Variants in XPR1 observed in about 807,000 individuals in gnomAD.
The protein encoded by XPR1 is solute carrier family 53 member 1.
A neutral mutation model predicts 87.5 loss-of-function variants in XPR1; 28 were observed. The observed-to-expected ratio is 0.32, with a 90% CI of 0.24 to 0.44. The LOEUF is 0.44. Ranked by LOEUF, XPR1 falls within the 20% of genes least tolerant of loss-of-function variation. The probability of loss-of-function intolerance (pLI) is 1.00; values close to 1 mark genes in which losing one functional copy is unlikely to be tolerated. For missense variants in XPR1, 559 were observed against 862.3 expected, an observed-to-expected ratio of 0.65 and a Z score of 4.41; for synonymous variants, 300 against 306.1, an observed-to-expected ratio of 0.98 and a Z score of 0.21.
intron 1 of XPR1, among the ~76,000 whole-genome samples, chr1:180,653,358 T>A (rs1346619737): frequency 6.6e-6 from 1 of 152,118 alleles, no homozygotes; most frequent in African/African-American, 2.4e-5. Flanking sequence ...TAGAAAAGTC[T>A]TGGAAATAAA....
intron 1 of XPR1, among the ~76,000 whole-genome samples, chr1:180,681,416 A>G (rs1395348199): frequency 6.6e-6 from 1 of 152,002 alleles, no homozygotes; most frequent in East Asian, 1.9e-4. Context: ...GAGGCCGAGG[A>G]GGGCGGATCA....
chr1:180,768,741 C>T (rs1251247265), intron 2 of XPR1, among the ~76,000 whole-genome samples: 3 of 152,208 alleles, frequency 2.0e-5, no homozygotes, highest in African/African-American at 7.2e-5. Context: ...GTTTTACTAT[C>T]TCAACTCCCC....
rs1652114022 is a variant in XPR1 at position 180,858,591 on chromosome 1, C to T, written c.1502-5117C>T. Among the ~76,000 whole-genome samples the T allele has an allele frequency of 2.0e-5, 3 of 152,132 alleles. No homozygotes were observed. The South Asian group carries it at 6.2e-4, about 31-fold the overall frequency. ...TCTGGTTCCCCCATTTAGCCTTAGG[C>T]CCTATGAGTTCCTTTTTTGTCTCAA... On this transcript the variant is annotated intron_variant, in intron 11 of 14. Coordinates refer to ENST00000367590, the MANE Select transcript of XPR1 (RefSeq NM_004736.4).
chr1:180,640,016 A>G (rs1255111395), intron 1 of XPR1, among the ~76,000 whole-genome samples: 1 of 152,208 alleles, frequency 6.6e-6, no homozygotes, highest in Non-Finnish European at 1.5e-5. Context: ...AGGAATTAAC[A>G]TTTATTGAGC....
chr1:180,840,550 GTGTGTGTGTGTGTGTGTATATATATA>G (rs1651468862), intron 11 of XPR1, among the ~76,000 whole-genome samples: 1 of 133,010 alleles, frequency 7.5e-6, no homozygotes, highest in African/African-American at 3.0e-5. Context: ...GTGTGTGTGT[GTGTGTGTGTGTGTGTGTATATATATA>G]TATATATATA....
chr1:180,778,085 A>G (rs1396566189), intron 2 of XPR1, among the ~76,000 whole-genome samples: 1 of 152,138 alleles, frequency 6.6e-6, no homozygotes, highest in African/African-American at 2.4e-5. Flanking sequence ...GGCTAAAGCC[A>G]TCCTCCCACC....
intron 1 of XPR1, among the ~76,000 whole-genome samples, chr1:180,643,571 CAT>C (rs1387646030): frequency 4.6e-5 from 7 of 152,166 alleles, no homozygotes; most frequent in African/African-American, 1.2e-4. Context: ...TGAATTATCT[CAT>C]GTGATCCTTA....
intron 6 of XPR1, among the ~76,000 whole-genome samples, chr1:180,809,370 G>T (rs373226480): frequency 6.6e-6 from 1 of 152,108 alleles, no homozygotes; most frequent in Non-Finnish European, 1.5e-5. Flanking sequence ...CGTTTATGCA[G>T]TTTCAAAACT....
At chr1:180,717,363 T>C (rs752983418) in intron 2 of XPR1, among the ~76,000 whole-genome samples, 23 of 152,242 alleles carry the variant, frequency 1.5e-4, no homozygotes, top group African/African-American at 5.3e-4. Flanking sequence ...TTAAGAAGAC[T>C]GTTTTTTAAA....
chr1:180,766,079 TG>T lies in XPR1; in HGVS notation c.122-21672del, dbSNP rs1648272583. ...AAGTAGAACTTAACTTTTCTTTTCC[TG>T]GTCCACTATCTCTGTCATCATTCCC... On this transcript the variant is annotated intron_variant, in intron 2 of 14. Coordinates refer to ENST00000367590, the MANE Select transcript of XPR1 (RefSeq NM_004736.4). Among the ~76,000 whole-genome samples the T allele has an allele frequency of 6.6e-5, 10 of 152,288 alleles. No individual in the cohort carries two copies. The South Asian group carries it at 1.9e-3, about 28-fold the overall frequency.
intron 4 of XPR1, among the ~76,000 whole-genome samples, chr1:180,804,252 A>G (rs1416834056): frequency 6.6e-6 from 1 of 152,224 alleles, no homozygotes; most frequent in Admixed American, 6.5e-5. Flanking sequence ...CTGGGATTAC[A>G]GGCGTGAGCC....
intron 1 of XPR1, among the ~76,000 whole-genome samples, chr1:180,637,577 G>A (rs1306293553): frequency 2.0e-5 from 3 of 151,972 alleles, no homozygotes; most frequent in Non-Finnish European, 4.4e-5. Flanking sequence ...TTCCTGAGAC[G>A]GAGTCTTGCT....
At position 180,709,889 on chromosome 1, in the gene XPR1, T is replaced by G. The variant is rs1016707186; in HGVS notation, c.121+27478T>G. ...TTCTCCTATTCTTGAGTTTTGAGGG[T>G]TTTTTTTTTTTTTAATTTTTTTATT... is the stretch of plus-strand genomic sequence containing the variant. On this transcript the variant is annotated intron_variant, in intron 2 of 14. Coordinates refer to ENST00000367590, the MANE Select transcript of XPR1 (RefSeq NM_004736.4). Among the ~76,000 whole-genome samples, 30 of 47,876 alleles carry G rather than the reference T, an allele frequency of 6.3e-4. No individual in the cohort carries two copies. In the South Asian group the frequency reaches 7.2e-3, roughly 11 times the overall value. 31.4% of individuals were successfully genotyped at this position (47,876 alleles called of 152,430 possible).
At chr1:180,844,123 A>T (rs1333199690) in intron 11 of XPR1, among the ~76,000 whole-genome samples, 1 of 152,164 alleles carries the variant, frequency 6.6e-6, no homozygotes, top group Non-Finnish European at 1.5e-5. Flanking sequence ...AGGCAGGAGA[A>T]TCATTTGAAC....
At chr1:180,661,171 G>A (rs1391506130) in intron 1 of XPR1, among the ~76,000 whole-genome samples, 1 of 151,662 alleles carries the variant, frequency 6.6e-6, no homozygotes, top group Non-Finnish European at 1.5e-5. Flanking sequence ...AGCTACTCCT[G>A]CTCTTTTTTG....
At position 180,880,270 on chromosome 1, in the gene XPR1, C is replaced by G. The variant is rs773949866; in HGVS notation, c.2003C>G (p.Ser668Cys). 9 of 1,614,178 alleles carry G rather than the reference C, an allele frequency of 5.6e-6. No individual in the cohort carries two copies. The South Asian group carries it at 8.8e-5, about 16-fold the overall frequency. Residue 668 changes from serine (S) to cysteine (C), a missense_variant, in exon 14 of 15, where the codon TCC becomes TGC. Around this residue, in one of 7 missense-constraint regions of XPR1, gnomAD observed 80 missense variants for 99.5 expected, o/e 0.80. Coordinates refer to ENST00000367590, the MANE Select transcript of XPR1 (RefSeq NM_004736.4). The stretch of plus-strand genomic sequence containing the variant: ...TCATGGAAGTACAACCAGAGCATAT[C>G]CCTGCGCCGGCCTCGCCTCGCTTCT... ...NRSWKYNQSI[S>C]LRRPRLASQS...
intron 2 of XPR1, among the ~76,000 whole-genome samples, chr1:180,703,276 G>A (rs1348468555): frequency 6.6e-6 from 1 of 152,216 alleles, no homozygotes. Context: ...CAGGTCACTA[G>A]TTGGCACGCT....
chr1:180,787,257 G>A (rs1331457283), intron 2 of XPR1, among the ~76,000 whole-genome samples: 1 of 150,634 alleles, frequency 6.6e-6, no homozygotes, highest in South Asian at 2.1e-4. Flanking sequence ...AAGAAGGTTT[G>A]TGTGTGGTCT....
intron 1 of XPR1, among the ~76,000 whole-genome samples, chr1:180,667,195 G>A (rs1655993362): frequency 6.6e-6 from 1 of 152,244 alleles, no homozygotes; most frequent in Non-Finnish European, 1.5e-5. Context: ...TTACAGGCAT[G>A]AGCCACTGAG....
Sources: allele counts gnomAD v4.1 joint callset (sites outside exome capture counted in the v4.1 genomes callset), GRCh38; gene constraint gnomAD v4.1.1; regional missense constraint gnomAD v4.1.1; transcripts MANE v1.5; gene names NCBI Gene and HGNC (gene_info 2026-07-23, HGNC 2026-07-21).